STK36: variants seen among roughly 807,000 people sequenced by gnomAD.
STK36 encodes serine/threonine kinase 36.
A neutral mutation model predicts 142.2 loss-of-function variants in STK36; 116 were observed. That is an observed-to-expected ratio of 0.82 (90% confidence interval 0.70 to 0.95). The LOEUF (loss-of-function observed/expected upper bound fraction) is 0.95. STK36 is among the 40% of genes least tolerant of loss of function. STK36 has a pLI of 0.00. For missense variants in STK36, 1,422 were observed against 1,617.2 expected (o/e 0.88, Z 2.07); for synonymous variants, 619 against 641.7 (o/e 0.96, Z 0.53).
intron 13 of STK36, 34 bp downstream of exon 13, chr2:218,689,990 G>A: frequency 6.5e-7 from 1 of 1,547,578 alleles, no homozygotes; most frequent in Non-Finnish European, 8.8e-7. Context: ...TTGTTGGCAA[G>A]TTTGGCTTCT....
chr2:218,695,784 C>T (rs183894623), intron 21 of STK36, among the ~76,000 whole-genome samples: 27 of 151,020 alleles, frequency 1.8e-4, no homozygotes, highest in Non-Finnish European at 3.8e-4. Flanking sequence ...GTGATCCATC[C>T]GCCTCAGCCT....
Position 218,698,860 on chromosome 2 carries a change from G to A in STK36, c.3316G>A (p.Gly1106Ser), listed in dbSNP as rs781080560. ...GTCCTTTATCCAAGAGCTTCTGGCTGGCTCTGATGAATCCTATCGGCCCCT... is the reference window on the plus strand; with the variant it reads ...GTCCTTTATCCAAGAGCTTCTGGCTAGCTCTGATGAATCCTATCGGCCCCT... ...HLSFIQELLA[G>S]SDESYRPLRS... Residue 1106 changes from glycine (G) to serine (S), a missense_variant, in exon 26 of 27, where the codon GGC becomes AGC. This residue lies in a region of STK36 where 962 missense variants were observed against 1,167.5 expected (regional missense o/e 0.82). Coordinates refer to ENST00000295709, the MANE Select transcript of STK36 (RefSeq NM_015690.5). 1.9e-6 allele frequency: 3 copies of A among 1,614,208 alleles called. No homozygotes were observed. The highest frequency in any genetic ancestry group is 3.3e-5 in the Admixed American group (2 of 60,020).
chr2:218,691,071 C>T lies in STK36; in HGVS notation c.1764+516C>T, dbSNP rs529894382. ...ATAGAACGACTTCTTCTTGAAAAGACTTGCAGATCATCTAGTATTGTCTAA... is the reference window on the plus strand; with the variant it reads ...ATAGAACGACTTCTTCTTGAAAAGATTTGCAGATCATCTAGTATTGTCTAA... On this transcript the variant is annotated intron_variant, in intron 14 of 26. Coordinates refer to ENST00000295709, the MANE Select transcript of STK36 (RefSeq NM_015690.5). Among the ~76,000 whole-genome samples the T allele has an allele frequency of 8.5e-5, 13 of 152,130 alleles. No individual in the cohort carries two copies. The East Asian group carries it at 2.5e-3, about 29-fold the overall frequency.
rs1277988553 is a variant in STK36, at chr2:218,676,216, C to A, written c.622C>A (p.Leu208Met). Residue 208 changes from leucine (L) to methionine (M), a missense_variant, in exon 6 of 27, where the codon CTG (leucine) becomes ATG (methionine). Physicochemically the swap from Leu to Met is conservative, Grantham distance 15. Coordinates refer to ENST00000295709, the MANE Select transcript of STK36 (RefSeq NM_015690.5). ...PPFYATSIFQ[L>M]VSLILKDPVR... Reference sequence around the variant, plus strand: ...CTTCTATGCTACAAGCATCTTTCAGCTGGTCAGCCTCATTCTCAAGGACCC... The same window carrying A: ...CTTCTATGCTACAAGCATCTTTCAGATGGTCAGCCTCATTCTCAAGGACCC... 1 of 1,614,224 alleles carries A rather than the reference C, an allele frequency of 6.2e-7. No individual in the cohort carries two copies. Among genetic ancestry groups the A allele is most frequent in the East Asian group, 2.2e-5 (1 of 44,890 alleles).
chr2:218,701,863 C>CA lies in STK36; in HGVS notation c.3805-2dup. The CA allele has an allele frequency of 6.2e-7, 1 of 1,614,052 alleles. No homozygotes were observed. Among genetic ancestry groups the CA allele is most frequent in the Non-Finnish European group, 8.5e-7 (1 of 1,179,954 alleles). Reference sequence around the variant, plus strand: ...GTTCTATCATCTGTTCTCTATCCTACAGGTACTGGTGTCCCTGGGTGCCAG... The same window carrying CA: ...GTTCTATCATCTGTTCTCTATCCTACAAGGTACTGGTGTCCCTGGGTGCCAG... On this transcript the variant is annotated splice_polypyrimidine_tract_variant and splice_region_variant and intron_variant, in intron 26 of 26. Coordinates refer to ENST00000295709, the MANE Select transcript of STK36 (RefSeq NM_015690.5).
At position 218,688,843 on chromosome 2, in the gene STK36, C is replaced by T. The variant is rs143241750; in HGVS notation, c.1527C>T (p.Leu509=). Residue 509 remains leucine, a synonymous_variant, in exon 12 of 27, where the codon CTC becomes CTT. Coordinates refer to ENST00000295709, the MANE Select transcript of STK36 (RefSeq NM_015690.5). ...AGLPGLLLSL[L]RHSQESNSLQ... is the part of the protein sequence containing the mutation. ...TTCCTGGGCTGCTGCTGAGTCTACT[C>T]AGGCACAGTCAGGAGAGCAACAGCC... The T allele has an allele frequency of 2.2e-4, 355 of 1,612,698 alleles. No homozygotes were observed. The highest frequency in any genetic ancestry group is 2.9e-4 in the Non-Finnish European group (343 of 1,179,714).
intron 13 of STK36, 67 bp downstream of exon 13, chr2:218,690,023 C>G (rs1940934692): frequency 7.0e-7 from 1 of 1,431,142 alleles, no homozygotes; most frequent in Non-Finnish European, 9.6e-7. Flanking sequence ...AGTGCCCTTC[C>G]CATTTAGGAA....
At position 218,692,496 on chromosome 2, in the gene STK36, T is replaced by C. The variant is rs1941044104; in HGVS notation, c.1916-87T>C. 2.0e-6 allele frequency: 3 copies of C among 1,529,560 alleles called. No homozygotes were observed. The Admixed American group carries it at 5.9e-5, about 30-fold the overall frequency. The allele number at this position is 1,529,560 out of a possible 1,614,324, so 94.7% of individuals were successfully genotyped here. ...CTTCCCACTCCCTTAGGTTCCCTAC[T>C]CCTGCTGCCATGTCGGTGAGTACTG... On this transcript the variant is annotated intron_variant, in intron 15 of 26. Transcript: ENST00000295709.
At chr2:218,674,573 A>G (rs944054152) in intron 4 of STK36, among the ~76,000 whole-genome samples, 75 of 152,336 alleles carry the variant, frequency 4.9e-4, no homozygotes, top group African/African-American at 1.7e-3. Context: ...ATTTGTAAGT[A>G]ATCATATTTT....
At position 218,694,469 on chromosome 2, in the gene STK36, G is replaced by A. The variant is rs555055188; in HGVS notation, c.2401-56G>A. 144 of 1,569,180 alleles carry A rather than the reference G, an allele frequency of 9.2e-5. No homozygotes were observed. The highest frequency in any genetic ancestry group is 1.3e-4 in the Non-Finnish European group (143 of 1,139,430). ...ACAGAGACATAAATCCTCTCTGCCT[G>A]TCCTGAATGCCATTTAGATTTGGAC... is the stretch of plus-strand genomic sequence containing the variant. On this transcript the variant is annotated intron_variant, in intron 20 of 26. Transcript: ENST00000295709. This position sits in a 1 kb window ranked among gnomAD's most constrained non-coding sequence, Gnocchi z 4.4.
rs1244829273 is a variant in STK36 at position 218,692,646 on chromosome 2, C to T, written c.1979C>T (p.Ser660Phe). 3.7e-6 allele frequency: 6 copies of T among 1,613,696 alleles called. No individual in the cohort carries two copies. The South Asian group carries it at 6.6e-5, about 18-fold the overall frequency. Residue 660 changes from serine to phenylalanine, a missense_variant, in exon 16 of 27, where the codon TCT (serine) becomes TTT (phenylalanine). Ser to Phe is a radical substitution (Grantham distance 155). Transcript: ENST00000295709. The stretch of plus-strand genomic sequence containing the variant: ...GAGGATATACCTGGAGCCATTTCCT[C>T]TGCCCTGGCAGCCATATGCACTGCT... ...QSEDIPGAIS[S>F]ALAAICTAPV...
rs879557599 is a variant in STK36 at position 218,702,328 on chromosome 2, A to T, written c.*319A>T. 7 of 209,012 alleles carry T rather than the reference A, an allele frequency of 3.3e-5. No homozygotes were observed. In the East Asian group the frequency reaches 8.4e-4, roughly 25 times the overall value. The allele number at this position is 209,012 out of a possible 1,614,324, so 12.9% of individuals were successfully genotyped here. A position where few individuals can be genotyped will look rare whatever the true frequency, so the allele number is the denominator to read the frequency against. On this transcript the variant is annotated 3_prime_UTR_variant, in exon 27 of 27. Coordinates refer to ENST00000295709, the MANE Select transcript of STK36 (RefSeq NM_015690.5). Reference sequence around the variant, plus strand: ...TCACGGACCTTAGGGAAAAACCTCAACCTGAAAGATCTCTTCCTTTCTGGA... The same window carrying T: ...TCACGGACCTTAGGGAAAAACCTCATCCTGAAAGATCTCTTCCTTTCTGGA...
intron 11 of STK36, among the ~76,000 whole-genome samples, chr2:218,686,125 G>A (rs1424350536): frequency 6.6e-6 from 1 of 151,998 alleles, no homozygotes; most frequent in Non-Finnish European, 1.5e-5. Context: ...ATTTTTAGTA[G>A]AGATGGTGTT....
Position 218,685,216 on chromosome 2 carries a change from A to G in STK36, c.1368A>G (p.Glu456=). ...FCQRIQSQLH[E]AGGQILKGIL... is the part of the protein sequence containing the mutation. ...AGCGCATCCAGAGTCAGCTGCATGA[A>G]GCTGGAGGGCAGGTAATGGGGAGAA... The change falls in exon 11 of 27, where the codon GAA becomes GAG. Residue 456 remains glutamate (E), a synonymous_variant. Transcript: ENST00000295709. 2 of 1,614,176 alleles carry G rather than the reference A, an allele frequency of 1.2e-6. No individual in the cohort carries two copies. Among genetic ancestry groups the G allele is most frequent in the Non-Finnish European group, 1.7e-6 (2 of 1,180,018 alleles).
chr2:218,686,014 T>C (rs1372114108), intron 11 of STK36, among the ~76,000 whole-genome samples: 1 of 151,532 alleles, frequency 6.6e-6, no homozygotes, highest in East Asian at 1.9e-4. Flanking sequence ...CTCGGCTCAC[T>C]GCAACCTCTG....
chr2:218,687,949 G>A (rs1352820914), intron 11 of STK36, among the ~76,000 whole-genome samples: 1 of 152,204 alleles, frequency 6.6e-6, no homozygotes, highest in African/African-American at 2.4e-5. Flanking sequence ...CTTGAGGTCA[G>A]GAGTTTGAGG....
intron 21 of STK36, 90 bp from the exon 22 acceptor site, chr2:218,696,437 C>G: frequency 9.1e-7 from 1 of 1,094,674 alleles, no homozygotes; most frequent in Non-Finnish European, 1.4e-6. Flanking sequence ...CAAATCTGTT[C>G]CCTCCATGGC....
intron 11 of STK36, among the ~76,000 whole-genome samples, chr2:218,687,776 A>G (rs1309292903): frequency 6.6e-6 from 1 of 152,248 alleles, no homozygotes; most frequent in Non-Finnish European, 1.5e-5. Flanking sequence ...TAAATATTAA[A>G]TGAGCAGATG....
At position 218,685,070 on chromosome 2, in the gene STK36, T is replaced by G; in HGVS notation, c.1237-15T>G. The G allele has an allele frequency of 6.2e-7, 1 of 1,613,862 alleles. No homozygotes were observed. Among genetic ancestry groups the G allele is most frequent in the African/African-American group, 1.3e-5 (1 of 74,986 alleles). On this transcript the variant is annotated splice_polypyrimidine_tract_variant and intron_variant, in intron 10 of 26. Transcript: ENST00000295709. ...ACACACTACTCCTGACCCCTTTCAC[T>G]CCCCTCTGCCTCAGGAGCCAGACAG...
Sources: allele counts gnomAD v4.1 joint callset (sites outside exome capture counted in the v4.1 genomes callset), GRCh38; gene constraint gnomAD v4.1.1; regional missense constraint gnomAD v4.1.1; non-coding constraint Gnocchi (gnomAD v3.1); transcripts MANE v1.5; gene names NCBI Gene and HGNC (gene_info 2026-07-23, HGNC 2026-07-21).